Variants in SBF2 observed in about 807,000 individuals in gnomAD.
SBF2 encodes myotubularin-related protein 13.
Under a neutral mutation model 225.2 loss-of-function variants are expected in SBF2, and 112 were observed. The ratio of observed to expected loss-of-function variants is 0.50; its 90% CI spans 0.43 to 0.58. The LOEUF is 0.58. Among genes scored for constraint, SBF2 ranks in the 20% least tolerant of loss-of-function variants. SBF2 has a pLI of 0.00. For missense variants in SBF2, 1,996 were observed against 2,206.2 expected, an observed-to-expected ratio of 0.90 and a Z score of 1.91; for synonymous variants, 763 against 773.3, an observed-to-expected ratio of 0.99 and a Z score of 0.22.
rs79858595 is a variant in SBF2, at chr11:9,839,214, A to G, written c.3455+284T>C. 5.4e-4 allele frequency: 229 copies of G among 422,110 alleles called. 1 individual carries two copies. The highest frequency in any genetic ancestry group is 4.1e-3 in the African/African-American group (204 of 49,642). 26.1% of individuals were successfully genotyped at this position (422,110 alleles called of 1,614,324 possible). A position where few individuals can be genotyped will look rare whatever the true frequency, so the allele number is the denominator to read the frequency against. The stretch of plus-strand genomic sequence containing the variant: ...CTGGGAAAATCCTGTTCTTCAAGTT[A>G]TCTTTAGTCATGCTAGAAAAGAAGC... On this transcript the variant is annotated intron_variant, in intron 26 of 39. Transcript: ENST00000256190.
intron 24 of SBF2, among the ~76,000 whole-genome samples, chr11:9,844,468 G>A (rs1296930348): frequency 6.6e-6 from 1 of 152,146 alleles, no homozygotes; most frequent in Non-Finnish European, 1.5e-5. Flanking sequence ...ACCGATGGAA[G>A]ATAACTTAAA....
intron 2 of SBF2, among the ~76,000 whole-genome samples, chr11:10,088,639 A>G (rs1354430766): frequency 6.6e-6 from 1 of 152,162 alleles, no homozygotes; most frequent in African/African-American, 2.4e-5. Context: ...GGCTCTTTAT[A>G]ACAACCAGCT....
intron 2 of SBF2, among the ~76,000 whole-genome samples, chr11:10,137,876 C>T (rs972506691): frequency 5.3e-5 from 8 of 151,832 alleles, no homozygotes; most frequent in Admixed American, 2.0e-4. Context: ...GTGTGGTTGG[C>T]GGACGCCTGT....
chr11:9,827,976 C>T (rs1481297890), intron 28 of SBF2: 1 of 372,596 alleles, frequency 2.7e-6, no homozygotes, highest in Non-Finnish European at 4.9e-6. Flanking sequence ...TGTCATCATG[C>T]TAGTAATACA....
intron 16 of SBF2, among the ~76,000 whole-genome samples, chr11:9,932,646 G>T (rs1590509202): frequency 6.6e-6 from 1 of 152,064 alleles, no homozygotes; most frequent in African/African-American, 2.4e-5. Flanking sequence ...AACATGGAAA[G>T]GAACAACCAG....
rs561523034 is a variant in SBF2 at position 10,289,298 on chromosome 11, G to T, written c.55+4717C>A. Among the ~76,000 whole-genome samples the T allele has an allele frequency of 3.8e-3, 582 of 152,316 alleles. 4 individuals carry two copies. The highest frequency in any genetic ancestry group is 5.4e-3 in the South Asian group (26 of 4,828). ...GCTTGGGCAGCTGCAGCTGTGTGGG[G>T]TGGGGGGGCCTCCTGCTCGTGGCCC... On this transcript the variant is annotated intron_variant, in intron 1 of 39. Transcript: ENST00000256190.
At chr11:9,897,378 T>C (rs370395276) in intron 16 of SBF2, among the ~76,000 whole-genome samples, 3 of 152,050 alleles carry the variant, frequency 2.0e-5, no homozygotes, top group South Asian at 4.1e-4. Flanking sequence ...GCTGGGATTA[T>C]AGGCACATGC....
chr11:10,202,297 T>C (rs542880772), intron 1 of SBF2, among the ~76,000 whole-genome samples: 10 of 152,308 alleles, frequency 6.6e-5, no homozygotes, highest in Admixed American at 1.3e-4. Flanking sequence ...ATCACTCTAG[T>C]AGTTCAAACT....
At chr11:9,883,635 A>G (rs1257835123) in intron 17 of SBF2, among the ~76,000 whole-genome samples, 1 of 152,088 alleles carries the variant, frequency 6.6e-6, no homozygotes, top group Admixed American at 6.6e-5. Context: ...TTTTTCCTAA[A>G]CTCAATGATA....
intron 2 of SBF2, among the ~76,000 whole-genome samples, chr11:10,124,917 C>T (rs953762657): frequency 1.1e-4 from 17 of 151,848 alleles, no homozygotes; most frequent in Admixed American, 1.1e-3. Context: ...CCAGCCTGAC[C>T]AACATGGCAA....
chr11:9,789,770 GCTA>G lies in SBF2; in HGVS notation c.4699-431_4699-429del, dbSNP rs201404765. Among the ~76,000 whole-genome samples the G allele has an allele frequency of 7.4e-3, 1,125 of 152,282 alleles. 14 individuals are homozygous for G. The highest frequency in any genetic ancestry group is 0.026 in the African/African-American group (1,064 of 41,552). ...AAACTCTGTCCACTCTGTCAAACCT[GCTA>G]CTTTTTGCCATTCTTTGGGCCTTGG... On this transcript the variant is annotated intron_variant, in intron 34 of 39. Transcript: ENST00000256190.
intron 16 of SBF2, among the ~76,000 whole-genome samples, chr11:9,909,198 T>G (rs1399299434): frequency 1.3e-5 from 2 of 152,192 alleles, no homozygotes; most frequent in Non-Finnish European, 2.9e-5. Context: ...TTCCTTTTTA[T>G]GAAATCACTT....
At position 9,832,398 on chromosome 11, in the gene SBF2, G is replaced by A. The variant is rs1564893485; in HGVS notation, c.3478C>T (p.Pro1160Ser). The A allele has an allele frequency of 6.2e-7, 1 of 1,613,842 alleles. No individual in the cohort carries two copies. The change falls in exon 27 of 40, where the codon CCT (proline) becomes TCT (serine). Residue 1160 changes from proline (P) to serine (S), a missense_variant. Pro to Ser is a moderately conservative substitution (Grantham distance 74, BLOSUM62 -1). Coordinates refer to ENST00000256190, the MANE Select transcript of SBF2 (RefSeq NM_030962.4). ...AAACTACTGTCCTGTACAGCTTGAG[G>A]TACGACTAAAAGGCCAGGATAGCTT... ...CRSYPGLLVVPQAVQDSSLPR... is the reference protein window; with the variant it reads ...CRSYPGLLVVSQAVQDSSLPR...
At chr11:9,920,790 A>C (rs1863556283) in intron 16 of SBF2, among the ~76,000 whole-genome samples, 1 of 152,110 alleles carries the variant, frequency 6.6e-6, no homozygotes, top group South Asian at 2.1e-4. Flanking sequence ...TTATTTCAGA[A>C]TGTCCAGGCA....
intron 33 of SBF2, among the ~76,000 whole-genome samples, chr11:9,792,060 G>C (rs1345085227): frequency 6.6e-6 from 1 of 152,184 alleles, no homozygotes; most frequent in Admixed American, 6.5e-5. Context: ...CTATAATCCA[G>C]TATGTAATAA....
intron 32 of SBF2, among the ~76,000 whole-genome samples, chr11:9,804,593 T>C (rs1853687314): frequency 6.6e-6 from 1 of 152,222 alleles, no homozygotes; most frequent in South Asian, 2.1e-4. Context: ...GCCCTTTGCA[T>C]GATGATTGAT....
At chr11:10,283,685 A>G (rs957968199) in intron 1 of SBF2, among the ~76,000 whole-genome samples, 1 of 152,214 alleles carries the variant, frequency 6.6e-6, no homozygotes, top group Admixed American at 6.5e-5. Context: ...TTTTCTGGAC[A>G]AATCTCAGTA....
chr11:10,274,696 A>G (rs908537570), intron 1 of SBF2, among the ~76,000 whole-genome samples: 5 of 150,612 alleles, frequency 3.3e-5, no homozygotes, highest in Non-Finnish European at 7.4e-5. Context: ...GATTGCAGTG[A>G]GCCGAGATTG....
chr11:10,240,848 G>A (rs531024578), intron 1 of SBF2, among the ~76,000 whole-genome samples: 6 of 152,100 alleles, frequency 3.9e-5, no homozygotes, highest in East Asian at 1.9e-4. Flanking sequence ...ATTAAAGTTC[G>A]CAATACGTGT....
Sources: allele counts gnomAD v4.1 joint callset (sites outside exome capture counted in the v4.1 genomes callset), GRCh38; gene constraint gnomAD v4.1.1; transcripts MANE v1.5; gene names NCBI Gene and HGNC (gene_info 2026-07-23, HGNC 2026-07-21).